The following FTCDNL1 variants were observed in gnomAD, a reference collection of about 807,000 sequenced individuals.
The protein encoded by FTCDNL1 is formiminotransferase N-terminal subdomain-containing protein.
FTCDNL1 carries 11 observed loss-of-function variants against 5.9 expected under a neutral mutation model. That is an observed-to-expected ratio of 1.87 (90% CI 1.18 to 3.10). The LOEUF is 3.10. Ranked by LOEUF, FTCDNL1 falls within the 30% of genes most tolerant of loss-of-function variation. The pLI is 0.00. For missense variants in FTCDNL1, 115 were observed against 65.5 expected (o/e 1.76, Z -2.61); for synonymous variants, 58 against 24.8 (o/e 2.34, Z -3.99).
intron 3 of FTCDNL1, among the ~76,000 whole-genome samples, chr2:199,844,910 A>AT (rs1161874092): frequency 2.0e-5 from 3 of 151,418 alleles, no homozygotes; most frequent in African/African-American, 7.3e-5. Context: ...CACAAACATA[A>AT]TTTTTTTTTA....
At chr2:199,776,463 T>A (rs980918763) in intron 3 of FTCDNL1, among the ~76,000 whole-genome samples, 3 of 152,240 alleles carry the variant, frequency 2.0e-5, no homozygotes, top group Non-Finnish European at 2.9e-5. Flanking sequence ...ATGGCAGAGA[T>A]GCTGCCTTTT....
At chr2:199,695,459 T>A in the FTCDNL1 span, among the ~76,000 whole-genome samples, 4 of 152,196 alleles carry the variant, frequency 2.6e-5, no homozygotes, top group Non-Finnish European at 5.9e-5. Context: ...ACTTTGTATG[T>A]AAGAAAATAT....
At chr2:199,687,417 C>G in the FTCDNL1 span, among the ~76,000 whole-genome samples, 1 of 152,176 alleles carries the variant, frequency 6.6e-6, no homozygotes, top group East Asian at 1.9e-4. Context: ...TTGAACTTAC[C>G]ATGGAACATA....
At chr2:199,756,529 G>A (rs1574423999), downstream of FTCDNL1, among the ~76,000 whole-genome samples, 1 of 152,258 alleles carries the variant, frequency 6.6e-6, no homozygotes, top group East Asian at 1.9e-4. Context: ...ACACTCTAAA[G>A]TCCTATGTTA....
At chr2:199,829,679 TC>T (rs1055969614) in intron 3 of FTCDNL1, among the ~76,000 whole-genome samples, 1 of 152,234 alleles carries the variant, frequency 6.6e-6, no homozygotes. Flanking sequence ...ATCATTCTTT[TC>T]CCTTCTGCTT....
the FTCDNL1 span, among the ~76,000 whole-genome samples, chr2:199,691,753 T>G: frequency 6.6e-6 from 1 of 152,206 alleles, no homozygotes; most frequent in Non-Finnish European, 1.5e-5. Flanking sequence ...GTAGCAAATA[T>G]AGCTCTGTGC....
At chr2:199,678,227 G>A in the FTCDNL1 span, among the ~76,000 whole-genome samples, 26 of 152,204 alleles carry the variant, frequency 1.7e-4, no homozygotes, top group African/African-American at 6.3e-4. Context: ...TAAAAGAGGT[G>A]GCTTGTGGAC....
At chr2:199,723,015 G>A in the FTCDNL1 span, among the ~76,000 whole-genome samples, 1 of 151,902 alleles carries the variant, frequency 6.6e-6, no homozygotes, top group Non-Finnish European at 1.5e-5. Flanking sequence ...TGTTACATAG[G>A]TAAATGTGTG....
At chr2:199,765,110 T>C (rs981814401) in intron 3 of FTCDNL1, among the ~76,000 whole-genome samples, 1 of 152,158 alleles carries the variant, frequency 6.6e-6, no homozygotes, top group East Asian at 1.9e-4. Flanking sequence ...GAGGAATGAA[T>C]AGGCAGTGCA....
chr2:199,755,661 G>A (rs894103704), downstream of FTCDNL1, among the ~76,000 whole-genome samples: 9 of 151,982 alleles, frequency 5.9e-5, no homozygotes, highest in Non-Finnish European at 2.9e-5. Flanking sequence ...TATTATCATC[G>A]TTACGGTCAT....
chr2:199,756,299 A>G (rs1698070937), downstream of FTCDNL1, among the ~76,000 whole-genome samples: 1 of 152,198 alleles, frequency 6.6e-6, no homozygotes, highest in African/African-American at 2.4e-5. Context: ...CAATTTATTT[A>G]TGAATCTTTT....
At chr2:199,669,639 C>G in the FTCDNL1 span, among the ~76,000 whole-genome samples, 1 of 152,168 alleles carries the variant, frequency 6.6e-6, no homozygotes, top group African/African-American at 2.4e-5. Context: ...TTATTTAACT[C>G]ATCAAGACAT....
chr2:199,705,027 C>T, the FTCDNL1 span, among the ~76,000 whole-genome samples: 1 of 152,148 alleles, frequency 6.6e-6, no homozygotes, highest in South Asian at 2.1e-4. Context: ...TACATGTTTG[C>T]CTGTGAGCTC....
intron 3 of FTCDNL1, among the ~76,000 whole-genome samples, chr2:199,825,136 TCA>T (rs1701949940): frequency 8.2e-6 from 1 of 121,334 alleles, no homozygotes; most frequent in Admixed American, 9.0e-5. Context: ...AGACCCTGTC[TCA>T]AAAAAAAAAA....
At chr2:199,724,196 C>A in the FTCDNL1 span, among the ~76,000 whole-genome samples, 3 of 152,080 alleles carry the variant, frequency 2.0e-5, no homozygotes, top group South Asian at 6.2e-4. Context: ...TATTCTCTGA[C>A]GGTTGTATGT....
the FTCDNL1 span, among the ~76,000 whole-genome samples, chr2:199,743,061 C>T: frequency 2.0e-5 from 3 of 152,320 alleles, no homozygotes; most frequent in South Asian, 6.2e-4. Flanking sequence ...CAACTAAGCT[C>T]CTGCTGTTTT....
the FTCDNL1 span, among the ~76,000 whole-genome samples, chr2:199,718,956 C>T: frequency 6.6e-6 from 1 of 152,010 alleles, no homozygotes; most frequent in Admixed American, 6.6e-5. Context: ...AGCCCTTTGT[C>T]AGATGCATAG....
At chr2:199,798,743 G>T (rs1318836433) in intron 3 of FTCDNL1, among the ~76,000 whole-genome samples, 1 of 152,176 alleles carries the variant, frequency 6.6e-6, no homozygotes, top group African/African-American at 2.4e-5. Flanking sequence ...ACAATGAGCA[G>T]GAATCATGCT....
the FTCDNL1 span, among the ~76,000 whole-genome samples, chr2:199,726,658 CTTCCATAGGGCTGCTG>C: frequency 6.6e-6 from 1 of 152,162 alleles, no homozygotes; most frequent in African/African-American, 2.4e-5. Flanking sequence ...TCAGGCTCCT[CTTCCATAGGGCTGCTG>C]TGGTCTGCTG....
Sources: allele counts gnomAD v4.1 joint callset (sites outside exome capture counted in the v4.1 genomes callset), GRCh38; gene constraint gnomAD v4.1.1; transcripts MANE v1.5; gene names NCBI Gene and HGNC (gene_info 2026-07-23, HGNC 2026-07-21).